TRPC4: variants seen among roughly 807,000 people sequenced by gnomAD.
TRPC4 encodes transient receptor potential cation channel subfamily C member 4.
A neutral mutation model predicts 99.4 loss-of-function variants in TRPC4; 49 were observed. The ratio of observed to expected loss-of-function variants is 0.49; its 90% CI spans 0.39 to 0.63. The LOEUF (loss-of-function observed/expected upper bound fraction) is 0.63. Ranked by LOEUF, TRPC4 falls within the 20% of genes least tolerant of loss-of-function variation. The pLI is 0.00. For missense variants in TRPC4, 898 were observed against 1,152.9 expected, an observed-to-expected ratio of 0.78 and a Z score of 3.20; for synonymous variants, 454 against 425.9, an observed-to-expected ratio of 1.07 and a Z score of -0.81.
At chr13:37,768,238 G>A (rs1028382340) in intron 2 of TRPC4, among the ~76,000 whole-genome samples, 1 of 151,434 alleles carries the variant, frequency 6.6e-6, no homozygotes, top group Non-Finnish European at 1.5e-5. Flanking sequence ...ACTAAGGAAT[G>A]CTACCAAAAT....
At chr13:37,787,687 C>T (rs1434034193) in intron 1 of TRPC4, among the ~76,000 whole-genome samples, 1 of 152,022 alleles carries the variant, frequency 6.6e-6, no homozygotes, top group African/African-American at 2.4e-5. Context: ...TACTAAATTT[C>T]TTTGAGAAGT....
At chr13:37,644,115 T>C (rs1467623931) in intron 8 of TRPC4, among the ~76,000 whole-genome samples, 1 of 152,172 alleles carries the variant, frequency 6.6e-6, no homozygotes. Flanking sequence ...GCAATAAACA[T>C]CACAATAATT....
intron 4 of TRPC4, among the ~76,000 whole-genome samples, chr13:37,685,994 T>C (rs1288945477): frequency 1.3e-5 from 2 of 152,130 alleles, no homozygotes; most frequent in Non-Finnish European, 2.9e-5. Context: ...AAAATTAAAA[T>C]ATCCATTTTA....
intron 4 of TRPC4, among the ~76,000 whole-genome samples, chr13:37,681,994 T>C (rs1190324582): frequency 6.6e-6 from 1 of 152,198 alleles, no homozygotes; most frequent in Admixed American, 6.5e-5. Flanking sequence ...ATTTGAATGT[T>C]CTATTATGTC....
At chr13:37,819,176 T>A (rs1957944839) in intron 1 of TRPC4, among the ~76,000 whole-genome samples, 1 of 151,774 alleles carries the variant, frequency 6.6e-6, no homozygotes, top group Non-Finnish European at 1.5e-5. Context: ...AGCAAAAAAA[T>A]TACAGATGCT....
intron 8 of TRPC4, among the ~76,000 whole-genome samples, chr13:37,644,886 A>G (rs1204724585): frequency 2.7e-5 from 4 of 150,852 alleles, no homozygotes; most frequent in African/African-American, 7.3e-5. Flanking sequence ...AAAAAAAAAA[A>G]AAAAAAGAAA....
intron 2 of TRPC4, among the ~76,000 whole-genome samples, chr13:37,778,703 A>C (rs1956767796): frequency 6.6e-6 from 1 of 152,056 alleles, no homozygotes; most frequent in Non-Finnish European, 1.5e-5. Context: ...TTTATAATGT[A>C]TAGCAAAGTC....
chr13:37,866,370 G>A (rs2139741187), intron 1 of TRPC4, among the ~76,000 whole-genome samples: 1 of 151,790 alleles, frequency 6.6e-6, no homozygotes, highest in African/African-American at 2.4e-5. Context: ...AGTAGATCAA[G>A]TTCTGAAACT....
At chr13:37,749,095 A>G (rs1955864024) in intron 2 of TRPC4, among the ~76,000 whole-genome samples, 1 of 152,018 alleles carries the variant, frequency 6.6e-6, no homozygotes. Context: ...CTGTTTGATA[A>G]GTGTCTGGCA....
intron 1 of TRPC4, among the ~76,000 whole-genome samples, chr13:37,789,912 T>C (rs1194963250): frequency 1.3e-5 from 2 of 152,110 alleles, no homozygotes; most frequent in East Asian, 3.9e-4. Flanking sequence ...AATTAAGACA[T>C]CTTAGAAAGC....
chr13:37,848,901 G>A (rs1467376519), intron 1 of TRPC4, among the ~76,000 whole-genome samples: 1 of 152,208 alleles, frequency 6.6e-6, no homozygotes, highest in African/African-American at 2.4e-5. Flanking sequence ...TTGGGGCTGA[G>A]TTTAAGAGAT....
intron 1 of TRPC4, among the ~76,000 whole-genome samples, chr13:37,793,405 T>G (rs957042078): frequency 1.3e-5 from 2 of 151,850 alleles, no homozygotes; most frequent in Admixed American, 6.6e-5. Context: ...CATTTAACAT[T>G]AGGTATATCT....
intron 8 of TRPC4, among the ~76,000 whole-genome samples, chr13:37,646,143 C>A (rs1254374246): frequency 6.6e-6 from 1 of 152,156 alleles, no homozygotes; most frequent in Non-Finnish European, 1.5e-5. Context: ...TTTCTAATTT[C>A]ATTTGTAGTG....
At chr13:37,838,211 C>T (rs554196539) in intron 1 of TRPC4, among the ~76,000 whole-genome samples, 3 of 152,190 alleles carry the variant, frequency 2.0e-5, no homozygotes, top group Admixed American at 2.0e-4. Flanking sequence ...GGAAATACTG[C>T]AACATTAAAA....
At chr13:37,798,535 A>C (rs978975524) in intron 1 of TRPC4, among the ~76,000 whole-genome samples, 2 of 152,194 alleles carry the variant, frequency 1.3e-5, no homozygotes, top group African/African-American at 2.4e-5. Flanking sequence ...AGAATCTCAA[A>C]GTGTCATGAT....
At chr13:37,737,552 A>G (rs1955438653) in intron 3 of TRPC4, among the ~76,000 whole-genome samples, 1 of 152,110 alleles carries the variant, frequency 6.6e-6, no homozygotes, top group East Asian at 1.9e-4. Flanking sequence ...GGCTCACTGC[A>G]GCCTCAACCT....
chr13:37,784,599 A>G (rs1364422380), intron 1 of TRPC4, among the ~76,000 whole-genome samples: 1 of 152,086 alleles, frequency 6.6e-6, no homozygotes, highest in Non-Finnish European at 1.5e-5. Flanking sequence ...TGCAAAATTA[A>G]AATGAATAGG....
At chr13:37,702,805 C>G (rs1954145064) in intron 3 of TRPC4, among the ~76,000 whole-genome samples, 1 of 152,046 alleles carries the variant, frequency 6.6e-6, no homozygotes, top group Non-Finnish European at 1.5e-5. Context: ...TATATAAAAC[C>G]ATCTCCCATA....
chr13:37,726,119 C>T (rs1449201118), intron 3 of TRPC4, among the ~76,000 whole-genome samples: 2 of 151,846 alleles, frequency 1.3e-5, no homozygotes, highest in Non-Finnish European at 2.9e-5. Context: ...TCACTTGAAC[C>T]CAGGAGGCGG....
Sources: gnomAD v4.1 joint callset for allele counts (sites outside exome capture counted in the v4.1 genomes callset) on GRCh38, gnomAD v4.1.1 for gene constraint, MANE v1.5 for transcripts, NCBI Gene and HGNC (gene_info 2026-07-23, HGNC 2026-07-21) for gene names.